The following MEI4 variants were observed in gnomAD, a reference collection of about 807,000 sequenced individuals.
MEI4 encodes the protein meiosis-specific protein MEI4.
In MEI4, 27 loss-of-function variants were observed where a neutral mutation model predicts 31.4. The observed-to-expected ratio is 0.86, with a 90% CI of 0.63 to 1.19. The LOEUF (loss-of-function observed/expected upper bound fraction) is 1.19. Ranked by LOEUF, MEI4 falls within the 50% of genes most tolerant of loss-of-function variation. The probability of loss-of-function intolerance (pLI) is 0.00; values close to 1 mark genes in which losing one functional copy is unlikely to be tolerated. For synonymous variants in MEI4, 122 were observed against 145.4 expected (o/e 0.84, Z 1.16); for missense variants, 329 against 398.9 (o/e 0.82, Z 1.49).
intron 3 of MEI4, among the ~76,000 whole-genome samples, chr6:77,790,952 C>T (rs1159404654): frequency 6.6e-6 from 1 of 152,120 alleles, no homozygotes; most frequent in African/African-American, 2.4e-5. Flanking sequence ...CACTGGCCAT[C>T]AGAGAAATGC....
At chr6:77,770,885 T>A (rs1369883380) in intron 3 of MEI4, among the ~76,000 whole-genome samples, 1 of 151,882 alleles carries the variant, frequency 6.6e-6, no homozygotes, top group Admixed American at 6.6e-5. Context: ...CTGGTGAAAA[T>A]TTCATGCTGA....
At chr6:77,894,616 TTGTAA>T (rs1766042573) in intron 4 of MEI4, among the ~76,000 whole-genome samples, 4 of 152,184 alleles carry the variant, frequency 2.6e-5, no homozygotes, top group South Asian at 2.1e-4. Context: ...CAGTTGTCTT[TTGTAA>T]TGTAATAATC....
intron 3 of MEI4, among the ~76,000 whole-genome samples, chr6:77,804,415 G>T (rs1769372675): frequency 6.6e-6 from 1 of 152,210 alleles, no homozygotes; most frequent in Non-Finnish European, 1.5e-5. Context: ...GTGAGGCAAT[G>T]CCTCGCTTTG....
In MEI4 at chr6:77,700,034, T is replaced by A. The variant is rs951395588; in HGVS notation, c.232+9131T>A. ...GTGGGGTGCCTCCCAGTTAGGCTTCTCGCGGGTCAGGGACCCACTTGAGGA... is the reference window on the plus strand; with the variant it reads ...GTGGGGTGCCTCCCAGTTAGGCTTCACGCGGGTCAGGGACCCACTTGAGGA... On this transcript the variant is annotated intron_variant, in intron 2 of 4. Transcript: ENST00000684080. 7.2e-5 allele frequency among the ~76,000 whole-genome samples: 11 copies of A among 152,362 alleles called. No individual in the cohort carries two copies. The East Asian group carries it at 1.9e-3, about 27-fold the overall frequency.
chr6:77,733,248 A>C (rs987152425), intron 2 of MEI4, among the ~76,000 whole-genome samples: 2 of 151,984 alleles, frequency 1.3e-5, no homozygotes, highest in African/African-American at 4.8e-5. Context: ...CTGTGAATCC[A>C]TCTGATCCTG....
Position 77,734,845 on chromosome 6 carries a change from C to A in MEI4, c.233-26285C>A, listed in dbSNP as rs538432637. Among the ~76,000 whole-genome samples the A allele has an allele frequency of 3.3e-5, 5 of 151,942 alleles. No homozygotes were observed. In the East Asian group the frequency reaches 9.7e-4, roughly 29 times the overall value. On this transcript the variant is annotated intron_variant, in intron 2 of 4. Transcript: ENST00000684080. The stretch of plus-strand genomic sequence containing the variant: ...GGCAGGCCTGGTTGTGACAAAATCT[C>A]TCAGCATTTGCTTGTCTGTAAAGGA...
chr6:77,914,348 C>A (rs1766495979), intron 4 of MEI4, among the ~76,000 whole-genome samples: 1 of 151,854 alleles, frequency 6.6e-6, no homozygotes, highest in Non-Finnish European at 1.5e-5. Flanking sequence ...ATTTTCTTGA[C>A]CTAATGCTCA....
chr6:77,874,267 C>T (rs1257486815), intron 4 of MEI4, among the ~76,000 whole-genome samples: 1 of 152,040 alleles, frequency 6.6e-6, no homozygotes, highest in Non-Finnish European at 1.5e-5. Context: ...TGTTTGTATC[C>T]TCTTTTATTT....
chr6:77,773,610 AG>A (rs1417677148), intron 3 of MEI4, among the ~76,000 whole-genome samples: 2 of 152,064 alleles, frequency 1.3e-5, no homozygotes, highest in Non-Finnish European at 2.9e-5. Context: ...GTCTGGGCAA[AG>A]GTTTCTTGAG....
chr6:77,916,394 T>A (rs1485266235), intron 4 of MEI4, among the ~76,000 whole-genome samples: 4 of 152,096 alleles, frequency 2.6e-5, no homozygotes, highest in Non-Finnish European at 5.9e-5. Context: ...TTTTTGAAAT[T>A]TGTTTTTTTA....
intron 4 of MEI4, among the ~76,000 whole-genome samples, chr6:77,861,555 T>C (rs1770867630): frequency 6.6e-6 from 1 of 152,322 alleles, no homozygotes; most frequent in Middle Eastern, 3.4e-3. Context: ...TTTATTCTTT[T>C]ATGAATTTTA....
chr6:77,864,854 A>G (rs1770975268), intron 4 of MEI4, among the ~76,000 whole-genome samples: 1 of 152,218 alleles, frequency 6.6e-6, no homozygotes, highest in Non-Finnish European at 1.5e-5. Context: ...CAGCAAATGT[A>G]AAAGAATAGA....
chr6:77,892,783 T>G (rs2127732630), intron 4 of MEI4, among the ~76,000 whole-genome samples: 1 of 152,154 alleles, frequency 6.6e-6, no homozygotes, highest in Non-Finnish European at 1.5e-5. Context: ...TTCAATGATG[T>G]GGAGATAGAG....
chr6:77,684,413 A>G (rs1172482106), intron 1 of MEI4, among the ~76,000 whole-genome samples: 2 of 151,602 alleles, frequency 1.3e-5, no homozygotes, highest in Non-Finnish European at 2.9e-5. Context: ...TAGTTACCCT[A>G]TTGTGCTATT....
intron 4 of MEI4, among the ~76,000 whole-genome samples, chr6:77,913,065 T>G (rs1766466401): frequency 6.6e-6 from 1 of 152,188 alleles, no homozygotes; most frequent in African/African-American, 2.4e-5. Flanking sequence ...TCTATTGAGA[T>G]GATCACATGG....
At chr6:77,823,107 G>A (rs978327084) in intron 3 of MEI4, among the ~76,000 whole-genome samples, 3 of 151,798 alleles carry the variant, frequency 2.0e-5, no homozygotes, top group Non-Finnish European at 4.4e-5. Flanking sequence ...TAGAATTATG[G>A]CATCTTCAGG....
At chr6:77,831,739 G>A (rs905330015) in intron 4 of MEI4, among the ~76,000 whole-genome samples, 5 of 151,730 alleles carry the variant, frequency 3.3e-5, no homozygotes, top group African/African-American at 4.8e-5. Flanking sequence ...AGTAAATCAC[G>A]GTTACCAGAG....
At chr6:77,899,247 T>G (rs1367473265) in intron 4 of MEI4, among the ~76,000 whole-genome samples, 1 of 152,018 alleles carries the variant, frequency 6.6e-6, no homozygotes. Context: ...AAAAAGACAC[T>G]CAATAATGTA....
chr6:77,793,090 A>G lies in MEI4; in HGVS notation c.768+31425A>G, dbSNP rs138544943. On this transcript the variant is annotated intron_variant, in intron 3 of 4. Transcript: ENST00000684080. Reference sequence around the variant, plus strand: ...CAACTTTATTGAAAATCATTTGACCATAGTGCATGGATTTTTTTTTTCTGA... The same window carrying G: ...CAACTTTATTGAAAATCATTTGACCGTAGTGCATGGATTTTTTTTTTCTGA... Among the ~76,000 whole-genome samples, 595 of 152,196 alleles carry G rather than the reference A, an allele frequency of 3.9e-3. 4 individuals carry two copies. The highest frequency in any genetic ancestry group is 0.014 in the African/African-American group (566 of 41,540).
Sources: gnomAD v4.1 joint callset for allele counts (sites outside exome capture counted in the v4.1 genomes callset) on GRCh38, gnomAD v4.1.1 for gene constraint, MANE v1.5 for transcripts, NCBI Gene and HGNC (gene_info 2026-07-23, HGNC 2026-07-21) for gene names.